LPAR3: variants seen among roughly 807,000 people sequenced by gnomAD.
LPAR3 encodes the protein LPA receptor 3.
A neutral mutation model predicts 17.8 loss-of-function variants in LPAR3; 7 were observed. The observed-to-expected ratio is 0.39, with a 90% CI of 0.22 to 0.74. The LOEUF is 0.74. Among genes scored for constraint, LPAR3 ranks in the 30% least tolerant of loss-of-function variants. LPAR3 has a pLI of 0.40. For missense variants in LPAR3, 391 were observed against 453.4 expected, an observed-to-expected ratio of 0.86 and a Z score of 1.25; for synonymous variants, 179 against 179.9, an observed-to-expected ratio of 0.99 and a Z score of 0.04.
chr1:84,875,858 A>C (rs182261631), intron 1 of LPAR3, among the ~76,000 whole-genome samples: 16 of 152,284 alleles, frequency 1.1e-4, no homozygotes, highest in East Asian at 7.7e-4. Context: ...GATAGTCAGG[A>C]GTCTCTTGCT....
Position 84,814,050 on chromosome 1 carries a change from G to A in LPAR3, c.858C>T (p.Ser286=), listed in dbSNP as rs141619600. 6.0e-5 allele frequency: 97 copies of A among 1,614,008 alleles called. No homozygotes were observed. The African/African-American group carries it at 8.1e-4, about 14-fold the overall frequency. Residue 286 remains serine, a synonymous_variant, in exon 3 of 3, where the codon TCC becomes TCT. Transcript: ENST00000370611. The stretch of plus-strand genomic sequence containing the variant: ...AGGAGTAGATGATGGGGTTCACGAC[G>A]GAGTTGAGCAGCGCCAGCAGCAGGA... ...RWFLLLALLN[S]VVNPIIYSYK... is the part of the protein sequence containing the mutation.
chr1:84,886,382 C>T (rs765678967), intron 1 of LPAR3, among the ~76,000 whole-genome samples: 31 of 152,114 alleles, frequency 2.0e-4, no homozygotes, highest in Admixed American at 7.9e-4. Context: ...TTAAATTAGC[C>T]GGGAATGGTG....
intron 1 of LPAR3, among the ~76,000 whole-genome samples, chr1:84,873,732 GT>G (rs927061146): frequency 6.7e-6 from 1 of 149,124 alleles, no homozygotes; most frequent in African/African-American, 2.5e-5. Context: ...CTTTTGAACA[GT>G]TTTTTTTGTT....
intron 2 of LPAR3, 72 bp downstream of exon 2, chr1:84,865,313 T>C (rs1175601788): frequency 1.3e-6 from 2 of 1,488,400 alleles, no homozygotes; most frequent in African/African-American, 1.4e-5. Context: ...AAGTGCCTGG[T>C]ACACCACAGA....
intron 2 of LPAR3, among the ~76,000 whole-genome samples, chr1:84,818,031 C>T (rs1352757637): frequency 6.6e-6 from 1 of 152,168 alleles, no homozygotes; most frequent in Non-Finnish European, 1.5e-5. Context: ...GGGTTCCAAT[C>T]CTGGCTCTTC....
chr1:84,878,126 G>C (rs1330101861), intron 1 of LPAR3, among the ~76,000 whole-genome samples: 1 of 152,076 alleles, frequency 6.6e-6, no homozygotes, highest in Non-Finnish European at 1.5e-5. Flanking sequence ...AGCAGGGCTG[G>C]TATCCTTCTC....
chr1:84,873,829 T>A (rs1376742913), intron 1 of LPAR3, among the ~76,000 whole-genome samples: 1 of 151,784 alleles, frequency 6.6e-6, no homozygotes, highest in Non-Finnish European at 1.5e-5. Context: ...CTCTGCTCAC[T>A]GCAGCCTCCG....
chr1:84,842,005 A>G (rs996341726), intron 2 of LPAR3, among the ~76,000 whole-genome samples: 1 of 152,216 alleles, frequency 6.6e-6, no homozygotes, highest in Non-Finnish European at 1.5e-5. Flanking sequence ...ACAGAAAAAA[A>G]AAAGTTTGTA....
Position 84,838,050 on chromosome 1 carries a change from CA to C in LPAR3, c.737-23880del, listed in dbSNP as rs201552996. 3.6e-3 allele frequency among the ~76,000 whole-genome samples: 542 copies of C among 152,206 alleles called. 17 individuals are homozygous for C. Among genetic ancestry groups the C allele is most frequent in the Admixed American group, 0.033 (503 of 15,286 alleles). The stretch of plus-strand genomic sequence containing the variant: ...ATCTCCTTAGAACACTAGAGCTCTG[CA>C]AAACACAGTTCTAGCATGTATTGGG... On this transcript the variant is annotated intron_variant, in intron 2 of 2. Coordinates refer to ENST00000370611, the MANE Select transcript of LPAR3 (RefSeq NM_012152.3).
Position 84,854,636 on chromosome 1 carries a change from T to G in LPAR3, c.736+10749A>C, listed in dbSNP as rs1659782975. 3.9e-5 allele frequency among the ~76,000 whole-genome samples: 6 copies of G among 152,262 alleles called. No homozygotes were observed. In the South Asian group the frequency reaches 1.2e-3, roughly 32 times the overall value. ...CAGTGCCTTCAGGGTAGAGGCCATG[T>G]CTCATAGTTAGTACACTGCCTAAAA... On this transcript the variant is annotated intron_variant, in intron 2 of 2. Coordinates refer to ENST00000370611, the MANE Select transcript of LPAR3 (RefSeq NM_012152.3).
chr1:84,886,829 G>C (rs1045863329), intron 1 of LPAR3, among the ~76,000 whole-genome samples: 1 of 152,150 alleles, frequency 6.6e-6, no homozygotes. Flanking sequence ...AGAAAATAAA[G>C]AAATGCTCAA....
intron 1 of LPAR3, among the ~76,000 whole-genome samples, chr1:84,886,237 T>C (rs1268377563): frequency 6.6e-6 from 1 of 152,202 alleles, no homozygotes; most frequent in East Asian, 1.9e-4. Flanking sequence ...TTACTAATAC[T>C]GTATTGAGGC....
chr1:84,828,647 G>C (rs1659215712), intron 2 of LPAR3, among the ~76,000 whole-genome samples: 1 of 152,064 alleles, frequency 6.6e-6, no homozygotes, highest in African/African-American at 2.4e-5. Context: ...TTGTTCCTAA[G>C]CTCCTTGGCT....
At chr1:84,834,431 AGATGAGCAGAAGT>A (rs1428532239) in intron 2 of LPAR3, among the ~76,000 whole-genome samples, 1 of 152,228 alleles carries the variant, frequency 6.6e-6, no homozygotes, top group African/African-American at 2.4e-5. Flanking sequence ...ATGAGAAGAT[AGATGAGCAGAAGT>A]GATGTTACTA....
chr1:84,865,297 C>T, intron 2 of LPAR3, 88 bp downstream of exon 2: 3 of 1,388,202 alleles, frequency 2.2e-6, no homozygotes, highest in Non-Finnish European at 2.9e-6. Context: ...ATTCTTACTG[C>T]CTAGTAAGTG....
intron 2 of LPAR3, among the ~76,000 whole-genome samples, chr1:84,864,916 C>T (rs1234468155): frequency 6.6e-6 from 1 of 152,146 alleles, no homozygotes; most frequent in Non-Finnish European, 1.5e-5. Flanking sequence ...TCTGCTCGAT[C>T]CATGCAGCCA....
At position 84,870,570 on chromosome 1, in the gene LPAR3, T is replaced by G. The variant is rs1043866931; in HGVS notation, c.-18-4432A>C. Among the ~76,000 whole-genome samples, 5 of 152,244 alleles carry G rather than the reference T, an allele frequency of 3.3e-5. No individual in the cohort carries two copies. In the South Asian group the frequency reaches 8.3e-4, roughly 25 times the overall value. ...GTGTTTTCAGGTACATTACTTAATATCTCTACTTTATTATTACTATTTTTC... is the reference window on the plus strand; with the variant it reads ...GTGTTTTCAGGTACATTACTTAATAGCTCTACTTTATTATTACTATTTTTC... On this transcript the variant is annotated intron_variant, in intron 1 of 2. Coordinates refer to ENST00000370611, the MANE Select transcript of LPAR3 (RefSeq NM_012152.3).
At chr1:84,843,205 T>A (rs1659538257) in intron 2 of LPAR3, among the ~76,000 whole-genome samples, 1 of 152,190 alleles carries the variant, frequency 6.6e-6, no homozygotes, top group South Asian at 2.1e-4. Flanking sequence ...ACTCCATTTC[T>A]TCTTTTGTTC....
chr1:84,892,596 G>A (rs1660573238), intron 1 of LPAR3, among the ~76,000 whole-genome samples: 1 of 152,206 alleles, frequency 6.6e-6, no homozygotes, highest in East Asian at 1.9e-4. Flanking sequence ...GCTGAAAAAT[G>A]TTATATCCCT....
Sources: gnomAD v4.1 joint callset for allele counts (sites outside exome capture counted in the v4.1 genomes callset) on GRCh38, gnomAD v4.1.1 for gene constraint, MANE v1.5 for transcripts, NCBI Gene and HGNC (gene_info 2026-07-23, HGNC 2026-07-21) for gene names.